ZNF75D: variants seen among roughly 807,000 people sequenced by gnomAD.
ZNF75D encodes zinc finger protein 75D, also known as zinc finger protein 75.
Under a neutral mutation model 33.3 loss-of-function variants are expected in ZNF75D, and 33 were observed. The ratio of observed to expected loss-of-function variants is 0.99; its 90% CI spans 0.75 to 1.32. ZNF75D has a LOEUF of 1.32. Among genes scored for constraint, ZNF75D ranks in the 40% most tolerant of loss-of-function variants. The pLI, the probability that ZNF75D is intolerant of heterozygous loss-of-function variation, is 0.00. For missense variants in ZNF75D, 338 were observed against 367.5 expected (o/e 0.92, Z 0.66); for synonymous variants, 113 against 130.6 (o/e 0.87, Z 0.92).
intron 1 of ZNF75D, among the ~76,000 whole-genome samples, chrX:135,329,239 A>G (rs1245483765): frequency 8.9e-6 from 1 of 112,356 alleles, no homozygotes; most frequent in Non-Finnish European, 1.9e-5. Context: ...TTCTTTCTTC[A>G]ATTACCACTT....
intron 1 of ZNF75D, among the ~76,000 whole-genome samples, chrX:135,256,423 G>T (rs1252310976): frequency 1.8e-5 from 2 of 111,389 alleles, no homozygotes; most frequent in African/African-American, 3.3e-5. Context: ...ACAGGTGTGT[G>T]TGTGGGGGGG....
At chrX:135,261,848 G>A (rs1358799274) in intron 1 of ZNF75D, among the ~76,000 whole-genome samples, 6 of 111,418 alleles carry the variant, frequency 5.4e-5, no homozygotes, top group African/African-American at 1.6e-4. Flanking sequence ...TATGATGTTC[G>A]CTGGTTATTT....
At chrX:135,257,427 C>G (rs2083809142) in intron 1 of ZNF75D, among the ~76,000 whole-genome samples, 1 of 113,072 alleles carries the variant, frequency 8.8e-6, no homozygotes, top group Non-Finnish European at 1.9e-5. Context: ...GGAGAGACTC[C>G]TATACTTTTG....
chrX:135,289,114 T>G (rs957242822), intron 6 of ZNF75D, among the ~76,000 whole-genome samples: 2 of 112,658 alleles, frequency 1.8e-5, no homozygotes, highest in East Asian at 5.6e-4. Context: ...AATCACTTTA[T>G]GTTACCATGG....
At chrX:135,337,497 A>T (rs1344949089) in intron 1 of ZNF75D, among the ~76,000 whole-genome samples, 1 of 111,840 alleles carries the variant, frequency 8.9e-6, no homozygotes, top group Admixed American at 9.5e-5. Flanking sequence ...ATATTTGTAA[A>T]CATTTTTATA....
rs782653134 is a variant in ZNF75D, at chrX:135,293,692, C to T, written c.411+38G>A. On this transcript the variant is annotated intron_variant, in intron 3 of 6. Transcript: ENST00000370766. ...TCCATTCTGATATATCCACTTTTAT[C>T]CTACTTCATTGTACATGTAGGCAAT... 36 of 1,121,154 alleles carry T rather than the reference C, an allele frequency of 3.2e-5. No individual in the cohort carries two copies. In the South Asian group the frequency reaches 7.3e-4, roughly 23 times the overall value. 92.4% of individuals were successfully genotyped at this position (1,121,154 alleles called of 1,213,427 possible). A position where few individuals can be genotyped will look rare whatever the true frequency, so the allele number is the denominator to read the frequency against.
intron 1 of ZNF75D, among the ~76,000 whole-genome samples, chrX:135,338,951 C>T (rs1556443592): frequency 9.6e-6 from 1 of 103,908 alleles, no homozygotes; most frequent in Non-Finnish European, 2.0e-5. Context: ...TCCTCCTTTA[C>T]TTCTTCTCCT....
chrX:135,301,107 C>T (rs1017440696), intron 1 of ZNF75D, among the ~76,000 whole-genome samples: 5 of 111,719 alleles, frequency 4.5e-5, no homozygotes, highest in Non-Finnish European at 7.5e-5. Context: ...GCACCTTATT[C>T]ACAAGGTGGC....
chrX:135,278,239 T>G (rs1331945039), intron 1 of ZNF75D, among the ~76,000 whole-genome samples: 3 of 111,541 alleles, frequency 2.7e-5, no homozygotes, highest in Non-Finnish European at 5.7e-5. Flanking sequence ...GGTATTTTAT[T>G]CTCTTTGTAG....
intron 1 of ZNF75D, among the ~76,000 whole-genome samples, chrX:135,279,119 T>C (rs781960041): frequency 1.4e-4 from 16 of 111,929 alleles, no homozygotes; most frequent in Non-Finnish European, 2.4e-4. Context: ...TGTCTGGTCC[T>C]GGGCTTTTTT....
intron 1 of ZNF75D, among the ~76,000 whole-genome samples, chrX:135,329,603 C>T (rs2084627001): frequency 8.9e-6 from 1 of 112,251 alleles, no homozygotes; most frequent in South Asian, 3.7e-4. Flanking sequence ...TTTTATTTCA[C>T]ATTATTGATA....
At chrX:135,292,151 C>A in intron 4 of ZNF75D, 130 bp downstream of exon 4, 1 of 633,843 alleles carries the variant, frequency 1.6e-6, no homozygotes, top group Admixed American at 2.9e-5. Context: ...CATCAACCCA[C>A]TGTACTCCCA....
chrX:135,324,768 T>G (rs1215432034), intron 1 of ZNF75D, among the ~76,000 whole-genome samples: 1 of 112,421 alleles, frequency 8.9e-6, no homozygotes, highest in Non-Finnish European at 1.9e-5. Flanking sequence ...AGAATTGAGG[T>G]CATGCATGGC....
chrX:135,341,409 C>G (rs2084782167), intron 1 of ZNF75D, among the ~76,000 whole-genome samples: 1 of 112,164 alleles, frequency 8.9e-6, no homozygotes, highest in Non-Finnish European at 1.9e-5. Context: ...CAAAATGTCA[C>G]TGCAGTTCAC....
chrX:135,325,933 C>T (rs1022292934), intron 1 of ZNF75D, among the ~76,000 whole-genome samples: 5 of 112,761 alleles, frequency 4.4e-5, no homozygotes, highest in Middle Eastern at 4.2e-3. Context: ...CTGGTGGGGA[C>T]GTGGAGAACC....
At chrX:135,312,507 C>T (rs1286901477) in intron 1 of ZNF75D, among the ~76,000 whole-genome samples, 2 of 111,974 alleles carry the variant, frequency 1.8e-5, no homozygotes, top group African/African-American at 3.2e-5. Context: ...TTTGGATAGA[C>T]ACTCAGTAGT....
chrX:135,303,768 A>G lies in ZNF75D; in HGVS notation c.-390-7729T>C, dbSNP rs782596182. Among the ~76,000 whole-genome samples the G allele has an allele frequency of 5.1e-4, 58 of 112,824 alleles. 1 individual carries two copies. The highest frequency in any genetic ancestry group is 1.0e-3 in the Non-Finnish European group (54 of 53,375). ...GTTGGTCCCCAGATGCCCACCAGCA[A>G]CAGTTAGGTGTGTAGACTCAGGGAT... is the stretch of plus-strand genomic sequence containing the variant. On this transcript the variant is annotated intron_variant, in intron 1 of 6. Coordinates refer to ENST00000370766, the MANE Select transcript of ZNF75D (RefSeq NM_007131.5).
intron 1 of ZNF75D, among the ~76,000 whole-genome samples, chrX:135,296,535 C>G (rs1418433944): frequency 2.7e-5 from 3 of 111,893 alleles, no homozygotes; most frequent in Non-Finnish European, 5.6e-5. Flanking sequence ...GAGTCCCAGC[C>G]AGAGAGAGCT....
intron 1 of ZNF75D, among the ~76,000 whole-genome samples, chrX:135,263,358 A>G (rs964825225): frequency 1.8e-5 from 2 of 112,843 alleles, no homozygotes; most frequent in Admixed American, 1.9e-4. Context: ...GAGCTGTCAG[A>G]CAAGGATGTT....
Sources: gnomAD v4.1 joint callset for allele counts (sites outside exome capture counted in the v4.1 genomes callset) on GRCh38, gnomAD v4.1.1 for gene constraint, MANE v1.5 for transcripts, NCBI Gene and HGNC (gene_info 2026-07-23, HGNC 2026-07-21) for gene names.